Variants in TXNL1 observed in about 807,000 individuals in gnomAD.
TXNL1 encodes thioredoxin like 1.
A neutral mutation model predicts 35.5 loss-of-function variants in TXNL1; 14 were observed. That is an observed-to-expected ratio of 0.39 (90% CI 0.26 to 0.62). TXNL1 has a LOEUF of 0.62. Among genes scored for constraint, TXNL1 ranks in the 20% least tolerant of loss-of-function variants. The probability of loss-of-function intolerance (pLI) is 0.47; values close to 1 mark genes in which losing one functional copy is unlikely to be tolerated. For synonymous variants in TXNL1, 110 were observed against 115.5 expected (o/e 0.95, Z 0.31); for missense variants, 263 against 349.7 (o/e 0.75, Z 1.98).
At chr18:56,619,537 CAAAAAAAAAAAAA>C (rs71169375) in intron 3 of TXNL1, among the ~76,000 whole-genome samples, 1 of 82,090 alleles carries the variant, frequency 1.2e-5, no homozygotes. Flanking sequence ...ACTCTGTCTC[CAAAAAAAAAAAAA>C]AAAAAAAAAA....
intron 1 of TXNL1, among the ~76,000 whole-genome samples, chr18:56,635,165 G>C (rs1428435433): frequency 6.6e-6 from 1 of 152,080 alleles, no homozygotes; most frequent in South Asian, 2.1e-4. Context: ...GGCTGATGTG[G>C]GAGGATTGCT....
At chr18:56,608,281 C>T (rs760763181) in intron 7 of TXNL1, 5 of 152,080 alleles carry the variant, frequency 3.3e-5, no homozygotes, top group Non-Finnish European at 7.4e-5. Flanking sequence ...CTTTTTTTAA[C>T]TACATTGAAG....
chr18:56,602,785 C>T lies in TXNL1; in HGVS notation c.*242G>A. On this transcript the variant is annotated 3_prime_UTR_variant, in exon 8 of 8. Transcript: ENST00000217515. ...TCAGAAGTTAACCAGTTTTCAAATACATGGAAAGAGAAAATACTGATTTAG... is the reference window on the plus strand; with the variant it reads ...TCAGAAGTTAACCAGTTTTCAAATATATGGAAAGAGAAAATACTGATTTAG... The T allele has an allele frequency of 7.0e-6, 4 of 574,488 alleles. No individual in the cohort carries two copies. Among genetic ancestry groups the T allele is most frequent in the Non-Finnish European group, 1.2e-5 (4 of 326,226 alleles). The allele number at this position is 574,488 out of a possible 1,614,324, so 35.6% of individuals were successfully genotyped here.
At chr18:56,608,410 A>G (rs1384317448) in intron 7 of TXNL1, 6 of 152,244 alleles carry the variant, frequency 3.9e-5, no homozygotes, top group Non-Finnish European at 8.8e-5. Flanking sequence ...AGAAAATGCA[A>G]TATTAATATA....
intron 3 of TXNL1, among the ~76,000 whole-genome samples, chr18:56,618,409 AG>A (rs2024125247): frequency 6.6e-6 from 1 of 152,214 alleles, no homozygotes; most frequent in Admixed American, 6.5e-5. Flanking sequence ...GTTTTACAGA[AG>A]AAAATATGCA....
At chr18:56,634,050 G>A (rs2024419315) in intron 1 of TXNL1, among the ~76,000 whole-genome samples, 1 of 150,356 alleles carries the variant, frequency 6.7e-6, no homozygotes, top group Non-Finnish European at 1.5e-5. Context: ...GGAGACCAGG[G>A]ACAACGAACG....
At chr18:56,628,103 A>T (rs1568107929) in intron 1 of TXNL1, among the ~76,000 whole-genome samples, 1 of 152,178 alleles carries the variant, frequency 6.6e-6, no homozygotes, top group African/African-American at 2.4e-5. Context: ...ACAGTCAATA[A>T]ATAAAGTCAA....
chr18:56,602,875 C>T lies in TXNL1; in HGVS notation c.*152G>A. On this transcript the variant is annotated 3_prime_UTR_variant, in exon 8 of 8. Coordinates refer to ENST00000217515, the MANE Select transcript of TXNL1 (RefSeq NM_004786.3). ...TTTACAATTGCATGTGTCAAGATTA[C>T]AATGGAAACACTAGTGATACCATCT... 1.2e-6 allele frequency: 1 copy of T among 831,638 alleles called. No homozygotes were observed. The highest frequency in any genetic ancestry group is 1.9e-6 in the Non-Finnish European group (1 of 517,922). The allele number at this position is 831,638 out of a possible 1,614,324, so 51.5% of individuals were successfully genotyped here.
intron 1 of TXNL1, 104 bp downstream of exon 1, chr18:56,638,239 G>C: frequency 8.1e-7 from 1 of 1,228,450 alleles, no homozygotes; most frequent in Non-Finnish European, 1.1e-6. Flanking sequence ...GCGACTGCCG[G>C]ACACTCCGGG....
At chr18:56,614,672 C>G in intron 5 of TXNL1, 76 bp from the exon 6 acceptor site, 1 of 1,174,668 alleles carries the variant, frequency 8.5e-7, no homozygotes, top group Non-Finnish European at 1.2e-6. Flanking sequence ...TACACTCACA[C>G]TATACACAGA....
chr18:56,635,353 A>G (rs1318146715), intron 1 of TXNL1, among the ~76,000 whole-genome samples: 2 of 152,228 alleles, frequency 1.3e-5, no homozygotes, highest in Non-Finnish European at 1.5e-5. Context: ...AAAGGAAGAC[A>G]CAACTGGAAT....
chr18:56,631,927 A>G (rs1235212911), intron 1 of TXNL1, among the ~76,000 whole-genome samples: 1 of 151,890 alleles, frequency 6.6e-6, no homozygotes, highest in African/African-American at 2.4e-5. Flanking sequence ...TCTCAAAAAA[A>G]AAAAAAAAAA....
chr18:56,611,796 C>T (rs950007951), intron 6 of TXNL1, among the ~76,000 whole-genome samples: 17 of 150,306 alleles, frequency 1.1e-4, no homozygotes, highest in African/African-American at 2.2e-4. Context: ...CAGGTTCAAA[C>T]GATTCTCCAG....
chr18:56,619,069 C>T (rs991829141), intron 3 of TXNL1, among the ~76,000 whole-genome samples: 3 of 151,696 alleles, frequency 2.0e-5, no homozygotes, highest in African/African-American at 7.3e-5. Flanking sequence ...AAAAAATTAG[C>T]TGGGTGCAGT....
rs1418766611 is a variant in TXNL1 at position 56,605,048 on chromosome 18, C to T, written c.841-1992G>A. On this transcript the variant is annotated intron_variant, in intron 7 of 7. Transcript: ENST00000217515. ...AGTAGAAAGTAAAAAAAAAAAAAGG[C>T]TAGTGAGCAACACGGTATGGTAAAA... is the stretch of plus-strand genomic sequence containing the variant. The T allele has an allele frequency of 3.4e-5, 5 of 146,608 alleles. No homozygotes were observed. In the East Asian group the frequency reaches 5.9e-4, roughly 17 times the overall value. 9.1% of individuals were successfully genotyped at this position (146,608 alleles called of 1,614,324 possible). A position where few individuals can be genotyped will look rare whatever the true frequency, so the allele number is the denominator to read the frequency against.
At position 56,597,924 on chromosome 18, in the gene TXNL1, A is replaced by T. The variant is rs951057293; in HGVS notation, c.*5103T>A. ...ATTGTAAAAGTGAGAACCTTGTGAG[A>T]CATCACAGACTTCTCTATGCTCGCT... is the stretch of plus-strand genomic sequence containing the variant. On this transcript the variant is annotated 3_prime_UTR_variant, in exon 8 of 8. Coordinates refer to ENST00000217515, the MANE Select transcript of TXNL1 (RefSeq NM_004786.3). 2 of 152,246 alleles carry T rather than the reference A, an allele frequency of 1.3e-5. No individual in the cohort carries two copies. Among genetic ancestry groups the T allele is most frequent in the African/African-American group, 4.8e-5 (2 of 41,464 alleles). 9.4% of individuals were successfully genotyped at this position (152,246 alleles called of 1,614,324 possible). A position where few individuals can be genotyped will look rare whatever the true frequency, so the allele number is the denominator to read the frequency against.
intron 3 of TXNL1, among the ~76,000 whole-genome samples, chr18:56,620,996 T>G (rs556474806): frequency 6.6e-6 from 1 of 152,240 alleles, no homozygotes; most frequent in Admixed American, 6.5e-5. Flanking sequence ...TTATGAACAT[T>G]TGCCTTAAAA....
rs774182738 is a variant in TXNL1 at position 56,618,037 on chromosome 18, G to C, written c.459C>G (p.Asp153Glu). 1 of 1,613,800 alleles carries C rather than the reference G, an allele frequency of 6.2e-7. No individual in the cohort carries two copies. The highest frequency in any genetic ancestry group is 1.3e-5 in the African/African-American group (1 of 74,884). Residue 153 changes from aspartate to glutamate, a missense_variant, in exon 4 of 8, where the codon GAC becomes GAG. Coordinates refer to ENST00000217515, the MANE Select transcript of TXNL1 (RefSeq NM_004786.3). ...CACAGTCAGATTCCAAGAAGGTTGT[G>C]TCTTTTCGTAAACAGTTGTCAAATC... The part of the protein sequence containing the change: ...EHGFDNCLRK[D>E]TTFLESDCDE...
At chr18:56,611,428 G>A (rs1272465234) in intron 6 of TXNL1, among the ~76,000 whole-genome samples, 1 of 151,662 alleles carries the variant, frequency 6.6e-6, no homozygotes, top group African/African-American at 2.4e-5. Flanking sequence ...CTTGAATCCA[G>A]GAGGTGGAGG....
Sources: gnomAD v4.1 joint callset for allele counts (sites outside exome capture counted in the v4.1 genomes callset) on GRCh38, gnomAD v4.1.1 for gene constraint, MANE v1.5 for transcripts, NCBI Gene and HGNC (gene_info 2026-07-23, HGNC 2026-07-21) for gene names.